The following CRYBG1 variants were observed in gnomAD, a reference collection of about 807,000 sequenced individuals.
CRYBG1 encodes beta/gamma crystallin domain-containing protein 1.
In CRYBG1, 139 loss-of-function variants were observed where a neutral mutation model predicts 189.2. That is an observed-to-expected ratio of 0.73 (90% CI 0.64 to 0.85). The LOEUF (loss-of-function observed/expected upper bound fraction) is 0.85. Ranked by LOEUF, CRYBG1 falls within the 40% of genes least tolerant of loss-of-function variation. The pLI, the probability that CRYBG1 is intolerant of heterozygous loss-of-function variation, is 0.00. For missense variants in CRYBG1, 2,611 were observed against 2,675.8 expected, an observed-to-expected ratio of 0.98 and a Z score of 0.53; for synonymous variants, 1,023 against 1,017.1, an observed-to-expected ratio of 1.01 and a Z score of -0.11.
intron 1 of CRYBG1, among the ~76,000 whole-genome samples, chr6:106,418,888 T>C (rs913143636): frequency 2.0e-5 from 3 of 152,186 alleles, no homozygotes; most frequent in Admixed American, 2.0e-4. Flanking sequence ...CATGGTAAAG[T>C]GCACGGGGTT....
At chr6:106,361,205 G>T (rs760285029) in intron 1 of CRYBG1, 124 bp downstream of exon 1, 3 of 1,198,200 alleles carry the variant, frequency 2.5e-6, no homozygotes, top group East Asian at 2.8e-5. Flanking sequence ...GTTTCAGTCC[G>T]CAGGAGGGTA....
chr6:106,363,075 C>G (rs1281825029), intron 1 of CRYBG1, among the ~76,000 whole-genome samples: 2 of 151,060 alleles, frequency 1.3e-5, no homozygotes, highest in Non-Finnish European at 2.9e-5. Context: ...GAAACCCCGT[C>G]TCTACTAAAA....
Position 106,511,603 on chromosome 6 carries a change from G to A in CRYBG1, c.486G>A (p.Glu162=). ...KDVVASPKLP[E]RESERSRSQS... is the part of the protein sequence containing the mutation. The stretch of plus-strand genomic sequence containing the variant: ...TGGTAGCCTCTCCTAAGCTCCCAGA[G>A]AGAGAGAGTGAGAGGAGCAGATCTC... Residue 162 remains glutamate (E), a synonymous_variant, in exon 3 of 22, where the codon GAG becomes GAA. Transcript: ENST00000633556. 6.5e-7 allele frequency: 1 copy of A among 1,535,862 alleles called. No homozygotes were observed. Among genetic ancestry groups the A allele is most frequent in the Non-Finnish European group, 8.7e-7 (1 of 1,146,700 alleles).
rs1287236947 is a variant in CRYBG1, at chr6:106,511,789, G to A, written c.672G>A (p.Val224=). Residue 224 remains valine (V), a synonymous_variant, in exon 3 of 22, where the codon GTG becomes GTA. Coordinates refer to ENST00000633556, the MANE Select transcript of CRYBG1 (RefSeq NM_001371242.2). ...RWSSSAAAVA[V]QQCHENDSPQ... is the part of the protein sequence containing the mutation. Reference sequence around the variant, plus strand: ...GCAGCAGTGCAGCGGCTGTGGCTGTGCAGCAGTGCCATGAAAATGATTCAC... The same window carrying A: ...GCAGCAGTGCAGCGGCTGTGGCTGTACAGCAGTGCCATGAAAATGATTCAC... The A allele has an allele frequency of 1.0e-5, 16 of 1,531,714 alleles. No homozygotes were observed. Among genetic ancestry groups the A allele is most frequent in the Non-Finnish European group, 1.4e-5 (16 of 1,144,178 alleles). The allele number at this position is 1,531,714 out of a possible 1,614,324, so 94.9% of individuals were successfully genotyped here.
In CRYBG1 at chr6:106,530,233, A is replaced by G. The variant is rs1773846996; in HGVS notation, c.4636A>G (p.Ser1546Gly). The G allele has an allele frequency of 6.2e-7, 1 of 1,613,590 alleles. No individual in the cohort carries two copies. Among genetic ancestry groups the G allele is most frequent in the African/African-American group, 1.3e-5 (1 of 75,024 alleles). ...TGAACCAGAAGGGTTAGGAATCCTA[A>G]GTTCCTACTTTGATGATACTGAAGA... ...FTEPEGLGILSSYFDDTEEMQ... is the reference protein window; with the variant it reads ...FTEPEGLGILGSYFDDTEEMQ... The change falls in exon 8 of 22, where the codon AGT (serine) becomes GGT (glycine). Residue 1546 changes from serine to glycine, a missense_variant. By Grantham distance (56) the Ser-to-Gly change is moderately conservative. Coordinates refer to ENST00000633556, the MANE Select transcript of CRYBG1 (RefSeq NM_001371242.2).
At chr6:106,547,491 A>G (rs1774293112) in intron 13 of CRYBG1, among the ~76,000 whole-genome samples, 2 of 152,190 alleles carry the variant, frequency 1.3e-5, no homozygotes, top group Admixed American at 1.3e-4. Flanking sequence ...AGGAGGTGGC[A>G]TTGGAGTTAG....
intron 1 of CRYBG1, among the ~76,000 whole-genome samples, chr6:106,388,177 G>C (rs932746811): frequency 6.6e-6 from 1 of 152,308 alleles, no homozygotes; most frequent in East Asian, 1.9e-4. Context: ...CACAATAGTA[G>C]AGGGGTAAAT....
intron 1 of CRYBG1, among the ~76,000 whole-genome samples, chr6:106,416,325 G>A (rs1212737363): frequency 6.6e-6 from 1 of 152,186 alleles, no homozygotes; most frequent in Non-Finnish European, 1.5e-5. Flanking sequence ...TCTGTATTTG[G>A]TTTTCTTGGG....
chr6:106,452,827 G>T (rs552944359), intron 2 of CRYBG1, among the ~76,000 whole-genome samples: 1 of 152,320 alleles, frequency 6.6e-6, no homozygotes, highest in East Asian at 1.9e-4. Flanking sequence ...TTGTCTGCAG[G>T]ATGGGAAAGT....
At chr6:106,402,855 G>C (rs940145751) in intron 1 of CRYBG1, among the ~76,000 whole-genome samples, 8 of 152,084 alleles carry the variant, frequency 5.3e-5, no homozygotes, top group Non-Finnish European at 1.2e-4. Flanking sequence ...AGGGGAGGGT[G>C]GGGGAAGAAT....
chr6:106,462,201 C>T (rs1055149369), intron 2 of CRYBG1, among the ~76,000 whole-genome samples: 2 of 152,058 alleles, frequency 1.3e-5, no homozygotes, highest in Non-Finnish European at 2.9e-5. Context: ...GACGGAGTCT[C>T]GCTCTGTCGC....
chr6:106,532,391 T>C (rs1366055357), intron 8 of CRYBG1, among the ~76,000 whole-genome samples: 1 of 152,224 alleles, frequency 6.6e-6, no homozygotes, highest in African/African-American at 2.4e-5. Flanking sequence ...TCCTTTGACA[T>C]ACTTGATTTC....
At chr6:106,468,574 C>T (rs1772159545) in intron 2 of CRYBG1, among the ~76,000 whole-genome samples, 1 of 152,198 alleles carries the variant, frequency 6.6e-6, no homozygotes, top group Admixed American at 6.5e-5. Flanking sequence ...CCTGTAGTCT[C>T]AGCTACTGGG....
intron 8 of CRYBG1, among the ~76,000 whole-genome samples, chr6:106,538,246 G>A (rs1774049904): frequency 1.3e-5 from 2 of 152,146 alleles, no homozygotes; most frequent in South Asian, 2.1e-4. Flanking sequence ...TCCCAGGAAC[G>A]AAGATGTTTA....
chr6:106,558,288 G>T (rs1176815737), intron 17 of CRYBG1, among the ~76,000 whole-genome samples, 198 bp from the exon 18 acceptor site: 1 of 151,800 alleles, frequency 6.6e-6, no homozygotes, highest in Non-Finnish European at 1.5e-5. Context: ...CCTATGCAAT[G>T]GAGAAACTAA....
chr6:106,548,497 C>T (rs6902745), intron 13 of CRYBG1, among the ~76,000 whole-genome samples: 115,632 of 152,140 alleles, frequency 0.76, 46,583 homozygotes, highest in South Asian at 0.95. Context: ...GTAAAAAGAA[C>T]AGAGTACTGG....
Position 106,519,350 on chromosome 6 carries a change from G to C in CRYBG1, c.2142G>C (p.Arg714Ser). ...CCTCTAGTAAAACGTTTGTTGGGAGGGCAAAGCTGAATTTAGCCAAAAAAG... is the reference window on the plus strand; with the variant it reads ...CCTCTAGTAAAACGTTTGTTGGGAGCGCAAAGCTGAATTTAGCCAAAAAAG... ...TPASSKTFVG[R>S]AKLNLAKKAK... The change falls in exon 4 of 22, where the codon AGG becomes AGC. Residue 714 changes from arginine to serine, a missense_variant. Coordinates refer to ENST00000633556, the MANE Select transcript of CRYBG1 (RefSeq NM_001371242.2). 2 of 1,613,980 alleles carry C rather than the reference G, an allele frequency of 1.2e-6. No individual in the cohort carries two copies. The highest frequency in any genetic ancestry group is 1.7e-6 in the Non-Finnish European group (2 of 1,180,022).
rs1466814906 is a variant in CRYBG1, at chr6:106,561,370, A to T, written c.6008A>T (p.Lys2003Ile). 6.2e-7 allele frequency: 1 copy of T among 1,614,018 alleles called. No individual in the cohort carries two copies. Among genetic ancestry groups the T allele is most frequent in the East Asian group, 2.2e-5 (1 of 44,886 alleles). The stretch of plus-strand genomic sequence containing the variant: ...CGAATTTATTTCAGACTTCGAAACA[A>T]AGCAACAGGGTTATTCATGTCAACC... ...QKRIYFRLRN[K>I]ATGLFMSTNG... Residue 2003 changes from lysine to isoleucine, a missense_variant, in exon 20 of 22, where the codon AAA becomes ATA. Lys to Ile is a moderately radical substitution (Grantham distance 102). Around this residue, in one of 3 missense-constraint regions of CRYBG1, gnomAD observed 1,622 missense variants for 1,735.0 expected, o/e 0.93. Coordinates refer to ENST00000633556, the MANE Select transcript of CRYBG1 (RefSeq NM_001371242.2).
intron 1 of CRYBG1, among the ~76,000 whole-genome samples, chr6:106,363,308 A>G (rs1282545958): frequency 6.6e-6 from 1 of 150,932 alleles, no homozygotes; most frequent in Non-Finnish European, 1.5e-5. Context: ...GTTTTTTTAT[A>G]TTTTAGTGCA....
Sources: allele counts gnomAD v4.1 joint callset (sites outside exome capture counted in the v4.1 genomes callset), GRCh38; gene constraint gnomAD v4.1.1; regional missense constraint gnomAD v4.1.1; transcripts MANE v1.5; gene names NCBI Gene and HGNC (gene_info 2026-07-23, HGNC 2026-07-21).